Variants in PCDHA2 observed in about 807,000 individuals in gnomAD.
PCDHA2 encodes the protein protocadherin alpha 2, also known as protocadherin alpha-2.
Under a neutral mutation model 66.0 loss-of-function variants are expected in PCDHA2, and 58 were observed. The observed-to-expected ratio is 0.88, with a 90% CI of 0.71 to 1.09. The LOEUF (loss-of-function observed/expected upper bound fraction) is 1.09. Ranked by LOEUF, PCDHA2 falls within the 50% of genes least tolerant of loss-of-function variation. The pLI, the probability that PCDHA2 is intolerant of heterozygous loss-of-function variation, is 0.00. For synonymous variants in PCDHA2, 634 were observed against 554.0 expected, an observed-to-expected ratio of 1.14 and a Z score of -2.03; for missense variants, 1,267 against 1,242.3, an observed-to-expected ratio of 1.02 and a Z score of -0.30.
At chr5:140,883,226 G>T (rs572696678) in intron 1 of PCDHA2, 82 of 1,613,938 alleles carry the variant, frequency 5.1e-5, no homozygotes, top group South Asian at 4.2e-4. Flanking sequence ...TGAAATATCC[G>T]TGGAGGCAGT....
chr5:140,909,719 C>T (rs2074652522), intron 1 of PCDHA2, among the ~76,000 whole-genome samples: 1 of 152,130 alleles, frequency 6.6e-6, no homozygotes, highest in Non-Finnish European at 1.5e-5. Flanking sequence ...ATACCTATGC[C>T]AATTATGCAT....
chr5:140,949,263 C>T (rs1210516513), intron 1 of PCDHA2, among the ~76,000 whole-genome samples: 3 of 151,832 alleles, frequency 2.0e-5, no homozygotes, highest in South Asian at 4.1e-4. Flanking sequence ...GAACATATCA[C>T]GTGCACTTGA....
intron 1 of PCDHA2, chr5:140,802,200 A>C: frequency 1.9e-6 from 3 of 1,614,252 alleles, no homozygotes; most frequent in Non-Finnish European, 2.5e-6. Context: ...AGATCACTGC[A>C]CAGTTCTACT....
In PCDHA2 at chr5:141,011,040, A is replaced by G. The variant is rs1467029720; in HGVS notation, c.*1103A>G. On this transcript the variant is annotated 3_prime_UTR_variant, in exon 4 of 4. Transcript: ENST00000526136. ...AATCACAGCTTTACTCTTTCAGGTCACTCTGGGGCTGCCTCTTGCATGTAT... is the reference window on the plus strand; with the variant it reads ...AATCACAGCTTTACTCTTTCAGGTCGCTCTGGGGCTGCCTCTTGCATGTAT... 1 of 153,602 alleles carries G rather than the reference A, an allele frequency of 6.5e-6. No homozygotes were observed. The highest frequency in any genetic ancestry group is 2.4e-5 in the African/African-American group (1 of 41,374). The allele number at this position is 153,602 out of a possible 1,614,324, so 9.5% of individuals were successfully genotyped here.
At chr5:140,827,709 A>G (rs1769373019) in intron 1 of PCDHA2, among the ~76,000 whole-genome samples, 1 of 152,354 alleles carries the variant, frequency 6.6e-6, no homozygotes, top group Non-Finnish European at 1.5e-5. Context: ...TGTTGCAAAT[A>G]TTGGTAGAAA....
rs782133089 is a variant in PCDHA2, at chr5:140,924,894, CAAA to C, written c.2389-54046_2389-54044del. Reference sequence around the variant, plus strand: ...TGGGTGACAGAGCAAGAACCTGTCTCAAAAAAAAAAATAAAATAAAATAAAATA... The same window carrying C: ...TGGGTGACAGAGCAAGAACCTGTCTCAAAAAAAATAAAATAAAATAAAATA... On this transcript the variant is annotated intron_variant, in intron 1 of 3. Transcript: ENST00000526136. Among the ~76,000 whole-genome samples the C allele has an allele frequency of 6.8e-3, 488 of 71,480 alleles. 13 individuals carry two copies. Among genetic ancestry groups the C allele is most frequent in the East Asian group, 0.051 (79 of 1,534 alleles). The allele number at this position is 71,480 out of a possible 152,430, so 46.9% of individuals were successfully genotyped here. A position where few individuals can be genotyped will look rare whatever the true frequency, so the allele number is the denominator to read the frequency against.
chr5:140,965,830 A>G (rs2095939833), intron 1 of PCDHA2, among the ~76,000 whole-genome samples: 1 of 152,208 alleles, frequency 6.6e-6, no homozygotes, highest in African/African-American at 2.4e-5. Flanking sequence ...ACATTTAAAT[A>G]TTGGTTATTT....
chr5:140,909,787 A>C (rs1299398218), intron 1 of PCDHA2, among the ~76,000 whole-genome samples: 2 of 152,156 alleles, frequency 1.3e-5, no homozygotes, highest in African/African-American at 4.8e-5. Flanking sequence ...ACCCACTCTA[A>C]GTCAGACTTC....
At chr5:140,809,293 TG>T in intron 1 of PCDHA2, 1 of 1,614,098 alleles carries the variant, frequency 6.2e-7, no homozygotes, top group Non-Finnish European at 8.5e-7. Context: ...ACCTGATCAT[TG>T]CCATCTGCGC....
intron 1 of PCDHA2, chr5:140,849,568 C>G: frequency 1.3e-6 from 2 of 1,598,620 alleles, no homozygotes; most frequent in Non-Finnish European, 1.7e-6. Flanking sequence ...CTCTCGGTTC[C>G]TGTAAAAGAG....
chr5:140,982,917 C>T (rs2097016226), intron 3 of PCDHA2, among the ~76,000 whole-genome samples: 1 of 151,626 alleles, frequency 6.6e-6, no homozygotes, highest in Non-Finnish European at 1.5e-5. Context: ...ACAGAGATGA[C>T]ACTGTTAACA....
At chr5:140,870,938 C>G in intron 1 of PCDHA2, 1 of 1,613,724 alleles carries the variant, frequency 6.2e-7, no homozygotes, top group Non-Finnish European at 8.5e-7. Flanking sequence ...GAATTGCAGC[C>G]GGCGGCGGGC....
At chr5:140,982,226 A>G in intron 2 of PCDHA2, 1 of 603,292 alleles carries the variant, frequency 1.7e-6, no homozygotes, top group Non-Finnish European at 2.5e-6. Context: ...GCGTTAATAA[A>G]AAACAGAATT....
At chr5:140,877,614 G>A (rs2153354451) in intron 1 of PCDHA2, 3 of 1,613,850 alleles carry the variant, frequency 1.9e-6, no homozygotes, top group Middle Eastern at 3.3e-4. Context: ...TGGTGCTCAC[G>A]CTGCTGCTGT....
intron 1 of PCDHA2, among the ~76,000 whole-genome samples, chr5:140,942,119 A>T (rs1180591078): frequency 6.6e-6 from 1 of 152,242 alleles, no homozygotes; most frequent in African/African-American, 2.4e-5. Context: ...AACTTTATTA[A>T]AGGTGATATT....
At position 140,858,524 on chromosome 5, in the gene PCDHA2, T is replaced by C. The variant is rs1562538927; in HGVS notation, c.2388+61172T>C. 9 of 1,408,436 alleles carry C rather than the reference T, an allele frequency of 6.4e-6. 1 individual carries two copies. Among genetic ancestry groups the C allele is most frequent in the Admixed American group, 2.0e-5 (1 of 49,940 alleles). The allele number at this position is 1,408,436 out of a possible 1,614,324, so 87.2% of individuals were successfully genotyped here. A position where few individuals can be genotyped will look rare whatever the true frequency, so the allele number is the denominator to read the frequency against. On this transcript the variant is annotated intron_variant, in intron 1 of 3. Coordinates refer to ENST00000526136, the MANE Select transcript of PCDHA2 (RefSeq NM_018905.3). ...TTTCTCAAATATGTATCAGAATATT[T>C]CATTTTTGTCTACATTCCATTTATG...
intron 2 of PCDHA2, among the ~76,000 whole-genome samples, chr5:140,981,776 A>T (rs908868836): frequency 2.4e-4 from 36 of 151,980 alleles, no homozygotes; most frequent in African/African-American, 8.0e-4. Context: ...TGAATACTGC[A>T]CCATGTTCTC....
At chr5:140,873,657 C>CTA in intron 1 of PCDHA2, among the ~76,000 whole-genome samples, 1 of 152,206 alleles carries the variant, frequency 6.6e-6, no homozygotes, top group South Asian at 2.1e-4. Context: ...ACATAACACA[C>CTA]TATTATTATT....
intron 1 of PCDHA2, chr5:140,865,437 T>G (rs951308725): frequency 2.0e-5 from 3 of 152,200 alleles, no homozygotes; most frequent in Admixed American, 6.5e-5. Flanking sequence ...GAAAAATAAC[T>G]TCTGAGAAGA....
Sources: allele counts gnomAD v4.1 joint callset (sites outside exome capture counted in the v4.1 genomes callset), GRCh38; gene constraint gnomAD v4.1.1; transcripts MANE v1.5; gene names NCBI Gene and HGNC (gene_info 2026-07-23, HGNC 2026-07-21).